CTNNA3: variants seen among roughly 807,000 people sequenced by gnomAD.
CTNNA3 encodes the protein catenin alpha 3.
A neutral mutation model predicts 95.7 loss-of-function variants in CTNNA3; 76 were observed. The ratio of observed to expected loss-of-function variants is 0.79; its 90% CI spans 0.66 to 0.96. The LOEUF (loss-of-function observed/expected upper bound fraction) is 0.96. Among genes scored for constraint, CTNNA3 ranks in the 40% least tolerant of loss-of-function variants. CTNNA3 has a pLI of 0.00. For synonymous variants in CTNNA3, 431 were observed against 374.4 expected, an observed-to-expected ratio of 1.15 and a Z score of -1.74; for missense variants, 1,191 against 1,089.8, an observed-to-expected ratio of 1.09 and a Z score of -1.31.
chr10:67,209,648 T>A (rs1333053291), intron 6 of CTNNA3, among the ~76,000 whole-genome samples: 1 of 152,072 alleles, frequency 6.6e-6, no homozygotes, highest in Non-Finnish European at 1.5e-5. Context: ...ATAAAACCTA[T>A]ATTTTCTGAC....
Position 66,559,341 on chromosome 10 carries a change from C to A in CTNNA3, c.1375-38568G>T, listed in dbSNP as rs563107638. ...GGCCAGGCATGATCTGGTTTTTACC[C>A]ACCCCTCCCACCCTAACCTACACCA... is the stretch of plus-strand genomic sequence containing the variant. On this transcript the variant is annotated intron_variant, in intron 10 of 17. Transcript: ENST00000433211. Among the ~76,000 whole-genome samples, 3 of 148,814 alleles carry A rather than the reference C, an allele frequency of 2.0e-5. No homozygotes were observed. The East Asian group carries it at 6.2e-4, about 31-fold the overall frequency.
Position 66,127,859 on chromosome 10 carries a change from G to A in CTNNA3, c.1885-24610C>T, listed in dbSNP as rs549703025. 3.9e-3 allele frequency among the ~76,000 whole-genome samples: 586 copies of A among 152,168 alleles called. 3 individuals carry two copies. The highest frequency in any genetic ancestry group is 6.8e-3 in the Middle Eastern group (2 of 294). On this transcript the variant is annotated intron_variant, in intron 13 of 17. Coordinates refer to ENST00000433211, the MANE Select transcript of CTNNA3 (RefSeq NM_013266.4). ...TGGGAGGCCGAGGCGGGCGAATCAC[G>A]AGGTCAGGAGTTTGAGACCAGCCTG...
At chr10:66,002,847 A>C (rs2078796986) in intron 15 of CTNNA3, among the ~76,000 whole-genome samples, 1 of 152,238 alleles carries the variant, frequency 6.6e-6, no homozygotes, top group Non-Finnish European at 1.5e-5. Context: ...AAAGCTGGGA[A>C]ATGTATTCTA....
chr10:66,303,695 C>T (rs761973644), intron 12 of CTNNA3, among the ~76,000 whole-genome samples: 10 of 152,070 alleles, frequency 6.6e-5, no homozygotes, highest in Non-Finnish European at 7.4e-5. Flanking sequence ...AGTGTAGTGG[C>T]GCGATCTCAG....
chr10:66,875,596 G>C (rs147490281), intron 7 of CTNNA3, among the ~76,000 whole-genome samples: 308 of 152,046 alleles, frequency 2.0e-3, no homozygotes, highest in African/African-American at 7.2e-3. Flanking sequence ...GGACCATATG[G>C]AAGGTAGTTA....
intron 9 of CTNNA3, among the ~76,000 whole-genome samples, chr10:66,711,352 G>A (rs959439640): frequency 2.7e-5 from 4 of 149,022 alleles, no homozygotes; most frequent in Non-Finnish European, 5.9e-5. Context: ...AATTTTAATT[G>A]AAACATTAAA....
At chr10:67,060,190 C>T (rs563384753) in intron 7 of CTNNA3, among the ~76,000 whole-genome samples, 80 of 152,106 alleles carry the variant, frequency 5.3e-4, no homozygotes, top group Middle Eastern at 6.8e-3. Context: ...TGATGACATG[C>T]GCCTGTAGTC....
At chr10:66,044,313 T>A (rs1760634915) in intron 15 of CTNNA3, among the ~76,000 whole-genome samples, 2 of 151,924 alleles carry the variant, frequency 1.3e-5, no homozygotes, top group African/African-American at 4.8e-5. Flanking sequence ...TCCAGAAAAA[T>A]CAAAAGCAAA....
chr10:66,138,591 G>C (rs2083464228), intron 13 of CTNNA3, among the ~76,000 whole-genome samples: 1 of 152,182 alleles, frequency 6.6e-6, no homozygotes, highest in East Asian at 1.9e-4. Context: ...CACTTTGGGA[G>C]GCCGAGGTGG....
At chr10:67,025,644 T>G (rs1444108630) in intron 7 of CTNNA3, among the ~76,000 whole-genome samples, 3 of 152,162 alleles carry the variant, frequency 2.0e-5, no homozygotes, top group East Asian at 3.9e-4. Context: ...TATAGCAAGT[T>G]GAAATCCTCT....
chr10:66,171,249 C>G (rs900811463), intron 13 of CTNNA3, among the ~76,000 whole-genome samples: 5 of 151,228 alleles, frequency 3.3e-5, no homozygotes, highest in Admixed American at 3.3e-4. Context: ...AAACAAAAAA[C>G]TAACTATGCT....
intron 7 of CTNNA3, among the ~76,000 whole-genome samples, chr10:67,051,607 C>T (rs1025353275): frequency 6.6e-6 from 1 of 151,684 alleles, no homozygotes; most frequent in African/African-American, 2.4e-5. Flanking sequence ...CTTTTGACCT[C>T]ATGACCTGAG....
intron 7 of CTNNA3, among the ~76,000 whole-genome samples, chr10:67,123,170 TA>T (rs1371917052): frequency 6.6e-6 from 1 of 152,086 alleles, no homozygotes; most frequent in Non-Finnish European, 1.5e-5. Flanking sequence ...ATGAACCAAG[TA>T]TAGAGGCTGA....
In CTNNA3 at chr10:66,379,242, C is replaced by A; in HGVS notation, c.1642G>T (p.Ala548Ser). ...TCCATTTCACCCGTGACGATGTGAGCAACTCTTGCTGCCCGGCCTCTGATA... is the reference window on the plus strand; with the variant it reads ...TCCATTTCACCCGTGACGATGTGAGAAACTCTTGCTGCCCGGCCTCTGATA... Reference protein sequence around the residue: ...GAIRGRAARVAHIVTGEMDSY... With the variant: ...GAIRGRAARVSHIVTGEMDSY... Residue 548 changes from alanine (A) to serine (S), a missense_variant, in exon 12 of 18, where the codon GCT (alanine) becomes TCT (serine). Coordinates refer to ENST00000433211, the MANE Select transcript of CTNNA3 (RefSeq NM_013266.4). 1 of 1,614,138 alleles carries A rather than the reference C, an allele frequency of 6.2e-7. No homozygotes were observed. Among genetic ancestry groups the A allele is most frequent in the Non-Finnish European group, 8.5e-7 (1 of 1,179,992 alleles).
chr10:66,648,824 C>T (rs1262538945), intron 9 of CTNNA3, among the ~76,000 whole-genome samples: 2 of 151,960 alleles, frequency 1.3e-5, no homozygotes, highest in East Asian at 1.9e-4. Flanking sequence ...ATATATATTA[C>T]ATAGTGGTTT....
intron 5 of CTNNA3, among the ~76,000 whole-genome samples, chr10:67,255,884 G>A (rs1277583146): frequency 1.3e-5 from 2 of 151,972 alleles, no homozygotes; most frequent in Non-Finnish European, 2.9e-5. Flanking sequence ...CTATCAACCA[G>A]CAGAAAACAC....
intron 11 of CTNNA3, among the ~76,000 whole-genome samples, chr10:66,489,974 A>G (rs1415838819): frequency 1.3e-5 from 2 of 152,206 alleles, no homozygotes; most frequent in African/African-American, 4.8e-5. Flanking sequence ...TGAGTAAACA[A>G]TGTTGGCGAA....
At chr10:66,414,471 T>C (rs1016423716) in intron 11 of CTNNA3, among the ~76,000 whole-genome samples, 1 of 152,170 alleles carries the variant, frequency 6.6e-6, no homozygotes, top group African/African-American at 2.4e-5. Context: ...ATTTTCATCA[T>C]AGACTCCTAT....
In CTNNA3 at chr10:66,858,027, C is replaced by T. The variant is rs181934755; in HGVS notation, c.1048-82503G>A. Among the ~76,000 whole-genome samples, 196 of 152,042 alleles carry T rather than the reference C, an allele frequency of 1.3e-3. No individual in the cohort carries two copies. The Middle Eastern group carries it at 0.037, about 29-fold the overall frequency. Reference sequence around the variant, plus strand: ...TCTAGCTTTTACCCATTCAGTATGACGTTGGCTGTAGATTTTTTTTGGGCT... The same window carrying T: ...TCTAGCTTTTACCCATTCAGTATGATGTTGGCTGTAGATTTTTTTTGGGCT... On this transcript the variant is annotated intron_variant, in intron 7 of 17. Transcript: ENST00000433211.
Sources: gnomAD v4.1 joint callset for allele counts (sites outside exome capture counted in the v4.1 genomes callset) on GRCh38, gnomAD v4.1.1 for gene constraint, MANE v1.5 for transcripts, NCBI Gene and HGNC (gene_info 2026-07-23, HGNC 2026-07-21) for gene names.